VEPH1: variants seen among roughly 807,000 people sequenced by gnomAD.
VEPH1 encodes the protein ventricular zone expressed PH domain containing 1, also known as ventricular zone-expressed PH domain-containing protein homolog 1.
VEPH1 carries 80 observed loss-of-function variants against 85.2 expected under a neutral mutation model. The observed-to-expected ratio is 0.94, with a 90% CI of 0.78 to 1.13. The LOEUF (loss-of-function observed/expected upper bound fraction) is 1.13. Ranked by LOEUF, VEPH1 falls within the 50% of genes most tolerant of loss-of-function variation. The probability of loss-of-function intolerance (pLI) is 0.00; values close to 1 mark genes in which losing one functional copy is unlikely to be tolerated. For missense variants in VEPH1, 955 were observed against 980.5 expected (o/e 0.97, Z 0.35); for synonymous variants, 297 against 348.0 (o/e 0.85, Z 1.63).
At position 157,317,134 on chromosome 3, in the gene VEPH1, G is replaced by A. The variant is rs372901665; in HGVS notation, c.1803C>T (p.Tyr601=). The A allele has an allele frequency of 3.1e-6, 5 of 1,613,690 alleles. No homozygotes were observed. The highest frequency in any genetic ancestry group is 1.7e-4 in the Middle Eastern group (1 of 6,058). Residue 601 remains tyrosine, a synonymous_variant, in exon 10 of 14, where the codon TAC becomes TAT. Transcript: ENST00000362010. ...TCSLKGHYCL[Y]SKSSFILISQ... is the part of the protein sequence containing the mutation. The stretch of plus-strand genomic sequence containing the variant: ...TGATGAGAATAAAACTGGACTTACT[G>A]TATAGGCAGTAATGACCCTTCAGGG...
chr3:157,405,244 AAATTACAGTTAAT>A (rs1731060778), intron 6 of VEPH1, among the ~76,000 whole-genome samples: 2 of 152,186 alleles, frequency 1.3e-5, no homozygotes, highest in Non-Finnish European at 2.9e-5. Flanking sequence ...CAGTTGGCCC[AAATTACAGTTAAT>A]AATTACAAGA....
chr3:157,422,488 C>T (rs1047154757), intron 5 of VEPH1, among the ~76,000 whole-genome samples: 2 of 152,342 alleles, frequency 1.3e-5, no homozygotes, highest in Admixed American at 1.3e-4. Flanking sequence ...CTACCCTCCC[C>T]TGCCTGCTGG....
intron 3 of VEPH1, among the ~76,000 whole-genome samples, chr3:157,460,865 G>C (rs965995607): frequency 2.6e-5 from 4 of 152,088 alleles, no homozygotes; most frequent in Non-Finnish European, 5.9e-5. Context: ...GAGGTGAGGG[G>C]AGAGACGGGG....
At chr3:157,307,717 GT>G (rs1234856856) in intron 11 of VEPH1, among the ~76,000 whole-genome samples, 1 of 151,766 alleles carries the variant, frequency 6.6e-6, no homozygotes, top group Non-Finnish European at 1.5e-5. Context: ...GGACCAGTTT[GT>G]CAAACTCCAT....
chr3:157,376,355 G>A (rs1728107970), intron 7 of VEPH1, among the ~76,000 whole-genome samples: 1 of 152,094 alleles, frequency 6.6e-6, no homozygotes, highest in South Asian at 2.1e-4. Flanking sequence ...GCTCAGCTCA[G>A]CCAGTTACAG....
intron 4 of VEPH1, among the ~76,000 whole-genome samples, chr3:157,444,429 A>G (rs78862176): frequency 1.8e-3 from 271 of 152,360 alleles, no homozygotes; most frequent in Non-Finnish European, 3.0e-3. Flanking sequence ...TCATCATATA[A>G]GTATAGCTTC....
rs1723027655 is a variant in VEPH1, at chr3:157,336,966, A to G, written c.1736-19765T>C. Among the ~76,000 whole-genome samples the G allele has an allele frequency of 4.6e-5, 7 of 152,204 alleles. 1 individual carries two copies. In the South Asian group the frequency reaches 1.4e-3, roughly 31 times the overall value. ...GAAGTTTGCCAGCCTCTGCTCTAGA[A>G]CGTAATTTGATTAACAGTGAATAAT... On this transcript the variant is annotated intron_variant, in intron 9 of 13. Coordinates refer to ENST00000362010, the MANE Select transcript of VEPH1 (RefSeq NM_001167912.2).
At chr3:157,339,726 G>T (rs371464722) in intron 9 of VEPH1, among the ~76,000 whole-genome samples, 2 of 152,216 alleles carry the variant, frequency 1.3e-5, no homozygotes, top group East Asian at 1.9e-4. Context: ...GCTCAAGAAG[G>T]TCGGGTGGCG....
chr3:157,415,739 G>C (rs968995608), intron 5 of VEPH1, among the ~76,000 whole-genome samples: 1 of 152,014 alleles, frequency 6.6e-6, no homozygotes, highest in Admixed American at 6.6e-5. Flanking sequence ...CAATTATGAT[G>C]AATTTTTTTT....
intron 4 of VEPH1, chr3:157,437,755 C>G: frequency 6.7e-7 from 1 of 1,489,218 alleles, no homozygotes. Flanking sequence ...GCAGGCGACC[C>G]GCGACGCGGG....
chr3:157,313,957 G>T (rs181168281), intron 10 of VEPH1, among the ~76,000 whole-genome samples: 2 of 152,158 alleles, frequency 1.3e-5, no homozygotes, highest in East Asian at 3.9e-4. Context: ...AGCACTTTGG[G>T]ATACTGAGGC....
At chr3:157,400,629 T>C (rs567423451) in intron 6 of VEPH1, among the ~76,000 whole-genome samples, 1 of 152,256 alleles carries the variant, frequency 6.6e-6, no homozygotes, top group African/African-American at 2.4e-5. Context: ...TTTCAAATTA[T>C]TTTTCCCTAA....
intron 4 of VEPH1, chr3:157,437,477 G>A: frequency 6.3e-7 from 1 of 1,576,264 alleles, no homozygotes; most frequent in South Asian, 1.2e-5. Flanking sequence ...GGCAGGCCTG[G>A]GCGGGCTGCT....
In VEPH1 at chr3:157,488,503, CTTTCTTTTTTT is replaced by C. The variant is rs1738877321; in HGVS notation, c.138+6698_138+6708del. Among the ~76,000 whole-genome samples, 3 of 134,208 alleles carry C rather than the reference CTTTCTTTTTTT, an allele frequency of 2.2e-5. No individual in the cohort carries two copies. In the East Asian group the frequency reaches 6.4e-4, roughly 29 times the overall value. The allele number at this position is 134,208 out of a possible 152,430, so 88.0% of individuals were successfully genotyped here. On this transcript the variant is annotated intron_variant, in intron 2 of 13. Coordinates refer to ENST00000362010, the MANE Select transcript of VEPH1 (RefSeq NM_001167912.2). ...CATGATTTTCTGACTTTCTTTCTTT[CTTTCTTTTTTT>C]TTTTTTTTACTGGATATTTCTTCTC...
intron 13 of VEPH1, among the ~76,000 whole-genome samples, chr3:157,263,265 A>G (rs1713156862): frequency 6.6e-6 from 1 of 152,130 alleles, no homozygotes. Flanking sequence ...ATTTCCCACT[A>G]TTTGAGCCGC....
At chr3:157,423,573 G>A (rs1387453641) in intron 5 of VEPH1, among the ~76,000 whole-genome samples, 1 of 152,188 alleles carries the variant, frequency 6.6e-6, no homozygotes, top group Non-Finnish European at 1.5e-5. Flanking sequence ...GCATTCTTCA[G>A]GATATGGCCT....
rs141466634 is a variant in VEPH1 at position 157,420,750 on chromosome 3, G to A, written c.697-6660C>T. 4.8e-3 allele frequency among the ~76,000 whole-genome samples: 737 copies of A among 152,222 alleles called. 2 individuals carry two copies. Among genetic ancestry groups the A allele is most frequent in the Non-Finnish European group, 7.9e-3 (535 of 68,012 alleles). ...TCCTAGAAAATAATTCTCTCCTCTAGGGAACAGATCACAAAAGCAGCTCCT... is the reference window on the plus strand; with the variant it reads ...TCCTAGAAAATAATTCTCTCCTCTAAGGAACAGATCACAAAAGCAGCTCCT... On this transcript the variant is annotated intron_variant, in intron 5 of 13. Coordinates refer to ENST00000362010, the MANE Select transcript of VEPH1 (RefSeq NM_001167912.2).
chr3:157,378,920 A>G (rs1164706560), intron 7 of VEPH1, among the ~76,000 whole-genome samples: 1 of 152,150 alleles, frequency 6.6e-6, no homozygotes, highest in African/African-American at 2.4e-5. Context: ...CTCTAATATA[A>G]TGATCTGCCC....
intron 2 of VEPH1, among the ~76,000 whole-genome samples, chr3:157,473,432 C>T (rs936042531): frequency 1.3e-5 from 2 of 152,020 alleles, no homozygotes; most frequent in South Asian, 4.1e-4. Context: ...GATAAATTTT[C>T]AATTCATCAT....
Sources: allele counts gnomAD v4.1 joint callset (sites outside exome capture counted in the v4.1 genomes callset), GRCh38; gene constraint gnomAD v4.1.1; transcripts MANE v1.5; gene names NCBI Gene and HGNC (gene_info 2026-07-23, HGNC 2026-07-21).